FGD4: variants seen among roughly 807,000 people sequenced by gnomAD.
The protein encoded by FGD4 is FYVE, RhoGEF and PH domain-containing protein 4.
FGD4 carries 42 observed loss-of-function variants against 102.0 expected under a neutral mutation model. That is an observed-to-expected ratio of 0.41 (90% CI 0.32 to 0.53). The LOEUF (loss-of-function observed/expected upper bound fraction) is 0.53, where lower values mean the gene tolerates loss of function less well. Ranked by LOEUF, FGD4 falls within the 20% of genes least tolerant of loss-of-function variation. The pLI is 0.21. For synonymous variants in FGD4, 380 were observed against 375.7 expected, an observed-to-expected ratio of 1.01 and a Z score of -0.13; for missense variants, 902 against 1,078.2, an observed-to-expected ratio of 0.84 and a Z score of 2.29.
intron 1 of FGD4, among the ~76,000 whole-genome samples, chr12:32,421,647 G>C (rs1941630130): frequency 6.6e-6 from 1 of 151,754 alleles, no homozygotes; most frequent in Non-Finnish European, 1.5e-5. Flanking sequence ...TCATTATTAG[G>C]ACTTGGCTTT....
chr12:32,494,264 G>A (rs535470882), intron 1 of FGD4, among the ~76,000 whole-genome samples: 4 of 152,030 alleles, frequency 2.6e-5, no homozygotes, highest in Non-Finnish European at 5.9e-5. Flanking sequence ...TGTTGTCCAG[G>A]CTAGTCTTGA....
At chr12:32,477,083 T>C (rs1591977234) in intron 1 of FGD4, among the ~76,000 whole-genome samples, 1 of 152,044 alleles carries the variant, frequency 6.6e-6, no homozygotes, top group Non-Finnish European at 1.5e-5. Context: ...AGGTAAGGAG[T>C]TCAGGACCAT....
intron 2 of FGD4, among the ~76,000 whole-genome samples, chr12:32,567,786 T>C (rs544173509): frequency 2.4e-4 from 36 of 151,796 alleles, no homozygotes; most frequent in African/African-American, 8.7e-4. Context: ...TTCCCAGGTT[T>C]GAGTGATTCT....
chr12:32,517,284 G>T (rs34174269), intron 1 of FGD4, among the ~76,000 whole-genome samples: 20,965 of 152,042 alleles, frequency 0.14, 1,748 homozygotes, highest in African/African-American at 0.24. Context: ...CATGCAACAG[G>T]TATTACCATG....
intron 1 of FGD4, among the ~76,000 whole-genome samples, chr12:32,426,247 T>C (rs957083023): frequency 7.2e-5 from 11 of 152,224 alleles, no homozygotes; most frequent in African/African-American, 2.7e-4. Context: ...CATCAATACC[T>C]AGTTTATTGA....
At chr12:32,491,152 A>AAC (rs1257773369) in intron 1 of FGD4, among the ~76,000 whole-genome samples, 1 of 140,554 alleles carries the variant, frequency 7.1e-6, no homozygotes, top group Non-Finnish European at 1.5e-5. Flanking sequence ...AAAAAAAAAC[A>AAC]AAAAACTATA....
chr12:32,633,549 G>A lies in FGD4; in HGVS notation c.2173G>A (p.Val725Met). 2 of 1,612,902 alleles carry A rather than the reference G, an allele frequency of 1.2e-6. No individual in the cohort carries two copies. The highest frequency in any genetic ancestry group is 1.3e-5 in the African/African-American group (1 of 74,900). Reference protein sequence around the residue: ...RRHHCRACGYVVCWKCSDYKA... With the variant: ...RRHHCRACGYMVCWKCSDYKA... ...TGTTCATTTTTCTTTTAAATTTAAGGTGGTTTGTTGGAAATGCTCCGACTA... is the reference window on the plus strand; with the variant it reads ...TGTTCATTTTTCTTTTAAATTTAAGATGGTTTGTTGGAAATGCTCCGACTA... Residue 725 changes from valine to methionine, a missense_variant and splice_region_variant, in exon 15 of 17, where the codon GTG (valine) becomes ATG (methionine). Val to Met is a conservative substitution (Grantham distance 21). This residue lies in a region of FGD4 where 459 missense variants were observed against 619.0 expected (regional missense o/e 0.74). Coordinates refer to ENST00000534526, the MANE Select transcript of FGD4 (RefSeq NM_001370298.3).
At chr12:32,408,910 T>C (rs2136391242) in intron 1 of FGD4, among the ~76,000 whole-genome samples, 1 of 152,292 alleles carries the variant, frequency 6.6e-6, no homozygotes, top group East Asian at 1.9e-4. Context: ...CATTTTCTCC[T>C]TTCTCCTCGT....
chr12:32,486,309 T>C (rs1943898676), intron 1 of FGD4, among the ~76,000 whole-genome samples: 1 of 152,224 alleles, frequency 6.6e-6, no homozygotes, highest in South Asian at 2.1e-4. Context: ...GTGGATTTTC[T>C]TTAGAGTAGT....
intron 1 of FGD4, among the ~76,000 whole-genome samples, chr12:32,449,996 G>A (rs925913223): frequency 6.6e-6 from 1 of 151,840 alleles, no homozygotes; most frequent in Non-Finnish European, 1.5e-5. Context: ...GCAATGGTGC[G>A]ATCTCAGCTC....
chr12:32,582,833 A>G lies in FGD4; in HGVS notation c.1011+366A>G, dbSNP rs534063983. ...TACGGGCCAAGCAAGAAGAAATTGT[A>G]TAATCTTTGTTGTTCAGAAGTTTCT... On this transcript the variant is annotated intron_variant, in intron 4 of 16. Coordinates refer to ENST00000534526, the MANE Select transcript of FGD4 (RefSeq NM_001370298.3). 1.8e-4 allele frequency: 40 copies of G among 226,564 alleles called. No individual in the cohort carries two copies. The South Asian group carries it at 3.0e-3, about 17-fold the overall frequency. 14.0% of individuals were successfully genotyped at this position (226,564 alleles called of 1,614,324 possible).
intron 1 of FGD4, among the ~76,000 whole-genome samples, chr12:32,415,155 T>C (rs1006429044): frequency 6.6e-5 from 10 of 152,314 alleles, no homozygotes; most frequent in South Asian, 2.1e-4. Flanking sequence ...TGCTTGCTAT[T>C]ATTTCAGTTT....
intron 1 of FGD4, among the ~76,000 whole-genome samples, chr12:32,555,836 C>G (rs1193626795): frequency 1.3e-5 from 2 of 152,002 alleles, no homozygotes; most frequent in African/African-American, 2.4e-5. Context: ...TCCCAAAGTG[C>G]TAGGATTACA....
intron 10 of FGD4, among the ~76,000 whole-genome samples, chr12:32,616,918 G>A (rs1044507438): frequency 4.6e-5 from 7 of 152,174 alleles, no homozygotes; most frequent in South Asian, 2.1e-4. Flanking sequence ...CCAAGATTGC[G>A]GGGCTGGCAT....
Position 32,443,534 on chromosome 12 carries a change from GTTTT to G in FGD4, c.166+43594_166+43597del, listed in dbSNP as rs1178483915. 2.0e-4 allele frequency among the ~76,000 whole-genome samples: 24 copies of G among 118,356 alleles called. 1 individual carries two copies. The highest frequency in any genetic ancestry group is 5.1e-3 in the Middle Eastern group (1 of 198). 77.6% of individuals were successfully genotyped at this position (118,356 alleles called of 152,430 possible). ...GCCTGGCTGAGATCTTGTGTTTTAG[GTTTT>G]TTTTTTTTTTTTTTTTTTGAGGCAG... On this transcript the variant is annotated intron_variant, in intron 1 of 16. Transcript: ENST00000534526.
intron 1 of FGD4, among the ~76,000 whole-genome samples, chr12:32,427,798 T>A (rs1941898890): frequency 1.3e-5 from 2 of 152,234 alleles, no homozygotes; most frequent in Non-Finnish European, 2.9e-5. Flanking sequence ...GTTGAATTGA[T>A]CCCTTTACCA....
At chr12:32,585,687 C>T (rs1320538578) in intron 4 of FGD4, among the ~76,000 whole-genome samples, 1 of 151,480 alleles carries the variant, frequency 6.6e-6, no homozygotes, top group South Asian at 2.1e-4. Context: ...TTTAAAAGTT[C>T]GCTGGGTGCG....
rs1825375775 is a variant in FGD4 at position 32,523,400 on chromosome 12, T to A, written c.167-40737T>A. 2.0e-5 allele frequency among the ~76,000 whole-genome samples: 3 copies of A among 152,332 alleles called. No individual in the cohort carries two copies. In the South Asian group the frequency reaches 6.2e-4, roughly 32 times the overall value. On this transcript the variant is annotated intron_variant, in intron 1 of 16. Coordinates refer to ENST00000534526, the MANE Select transcript of FGD4 (RefSeq NM_001370298.3). ...CACCACCACCATCCATCTTTAGAATTTTTTCATCCTTCCCAACTGAAACTC... is the reference window on the plus strand; with the variant it reads ...CACCACCACCATCCATCTTTAGAATATTTTCATCCTTCCCAACTGAAACTC...
chr12:32,625,289 T>TA (rs1555221707), intron 13 of FGD4, among the ~76,000 whole-genome samples: 69 of 143,880 alleles, frequency 4.8e-4, no homozygotes, highest in African/African-American at 7.6e-4. Flanking sequence ...TTTTTTTTTT[T>TA]AACAGAGTCT....
Sources: gnomAD v4.1 joint callset for allele counts (sites outside exome capture counted in the v4.1 genomes callset) on GRCh38, gnomAD v4.1.1 for gene constraint, gnomAD v4.1.1 regional missense constraint, MANE v1.5 for transcripts, NCBI Gene and HGNC (gene_info 2026-07-23, HGNC 2026-07-21) for gene names.